The following GMDS variants were observed in gnomAD, a reference collection of about 807,000 sequenced individuals.
GMDS encodes GDP-mannose 4,6 dehydratase.
GMDS carries 20 observed loss-of-function variants against 49.9 expected under a neutral mutation model. The ratio of observed to expected loss-of-function variants is 0.40; its 90% CI spans 0.28 to 0.58. The LOEUF (loss-of-function observed/expected upper bound fraction) is 0.58. GMDS is among the 20% of genes least tolerant of loss of function. The pLI is 0.42. For synonymous variants in GMDS, 177 were observed against 178.6 expected, an observed-to-expected ratio of 0.99 and a Z score of 0.07; for missense variants, 362 against 481.4, an observed-to-expected ratio of 0.75 and a Z score of 2.32.
chr6:2,174,788 C>T (rs532610153), intron 1 of GMDS, among the ~76,000 whole-genome samples: 2 of 152,124 alleles, frequency 1.3e-5, no homozygotes, highest in Non-Finnish European at 2.9e-5. Flanking sequence ...AGGCTGATCT[C>T]GAACTCCTGA....
At chr6:1,931,226 T>C (rs1762269732) in intron 6 of GMDS, among the ~76,000 whole-genome samples, 1 of 152,226 alleles carries the variant, frequency 6.6e-6, no homozygotes, top group Non-Finnish European at 1.5e-5. Context: ...TTTAACTATG[T>C]TCTTTTGCAG....
chr6:1,944,936 C>G (rs1763005528), intron 6 of GMDS, among the ~76,000 whole-genome samples: 1 of 152,062 alleles, frequency 6.6e-6, no homozygotes, highest in Non-Finnish European at 1.5e-5. Flanking sequence ...ATAGGCAATA[C>G]CCTGAAAACA....
chr6:1,922,806 TC>T (rs1474372155), intron 7 of GMDS, among the ~76,000 whole-genome samples: 1 of 152,160 alleles, frequency 6.6e-6, no homozygotes, highest in Non-Finnish European at 1.5e-5. Flanking sequence ...CTAGCTCCCG[TC>T]TCTGCTGAGA....
intron 1 of GMDS, among the ~76,000 whole-genome samples, chr6:2,222,896 C>T (rs1019528489): frequency 6.6e-6 from 1 of 152,158 alleles, no homozygotes; most frequent in Non-Finnish European, 1.5e-5. Context: ...TAAATCAGTA[C>T]ACTGAGTAAT....
At chr6:1,760,899 T>C (rs1039306934) in intron 7 of GMDS, among the ~76,000 whole-genome samples, 3 of 152,222 alleles carry the variant, frequency 2.0e-5, no homozygotes, top group Admixed American at 6.5e-5. Context: ...CACCCGGGAC[T>C]GGGATGGTCT....
chr6:2,069,829 A>G (rs1183251698), intron 4 of GMDS, among the ~76,000 whole-genome samples: 2 of 152,098 alleles, frequency 1.3e-5, no homozygotes, highest in African/African-American at 2.4e-5. Flanking sequence ...GGGACTGTAA[A>G]CTAGTTCAAC....
chr6:1,900,600 T>A (rs113947152), intron 7 of GMDS, among the ~76,000 whole-genome samples: 4,940 of 152,300 alleles, frequency 0.032, 111 homozygotes, highest in Middle Eastern at 0.1. Context: ...CTTGATGTAT[T>A]TTCAGAAACT....
intron 4 of GMDS, among the ~76,000 whole-genome samples, chr6:1,977,356 C>A (rs1391707677): frequency 6.6e-6 from 1 of 152,184 alleles, no homozygotes; most frequent in Admixed American, 6.5e-5. Flanking sequence ...ATACCATACC[C>A]TGACTCTTCT....
chr6:2,097,775 G>C (rs1355156980), intron 4 of GMDS, among the ~76,000 whole-genome samples: 3 of 152,128 alleles, frequency 2.0e-5, no homozygotes, highest in African/African-American at 7.2e-5. Context: ...TTTGACTGTA[G>C]AAAAGACTAG....
intron 7 of GMDS, among the ~76,000 whole-genome samples, chr6:1,843,109 CAAATAAAATAAAATA>C (rs10629924): frequency 7.7e-4 from 106 of 137,168 alleles, no homozygotes; most frequent in African/African-American, 2.8e-3. Context: ...GACCCTGCAT[CAAATAAAATAAAATA>C]AAATAAAATA....
chr6:1,901,261 C>T (rs1570534), intron 7 of GMDS, among the ~76,000 whole-genome samples: 88,021 of 152,042 alleles, frequency 0.58, 26,792 homozygotes, highest in Non-Finnish European at 0.67. Flanking sequence ...TCTCCACGAC[C>T]GTGGAACATA....
intron 7 of GMDS, among the ~76,000 whole-genome samples, chr6:1,748,637 T>C (rs1194270019): frequency 1.3e-5 from 2 of 152,210 alleles, no homozygotes; most frequent in African/African-American, 2.4e-5. Context: ...TATTTTAGGT[T>C]TGTGAACCAC....
At chr6:2,145,538 A>AAAATAAATAAAT (rs36139025) in intron 1 of GMDS, among the ~76,000 whole-genome samples, 23 of 148,466 alleles carry the variant, frequency 1.5e-4, no homozygotes, top group South Asian at 4.4e-4. Flanking sequence ...ACTCTGTCTC[A>AAAATAAATAAAT]AAATAAATAA....
intron 4 of GMDS, among the ~76,000 whole-genome samples, chr6:2,095,529 T>C (rs546498361): frequency 6.6e-6 from 1 of 152,296 alleles, no homozygotes; most frequent in Middle Eastern, 3.4e-3. Context: ...ATCTCAGTGG[T>C]GAGAAAGAGT....
chr6:2,070,132 A>G (rs1771894767), intron 4 of GMDS, among the ~76,000 whole-genome samples: 1 of 151,642 alleles, frequency 6.6e-6, no homozygotes, highest in South Asian at 2.1e-4. Flanking sequence ...CATGGATGAA[A>G]TTGGAAATCA....
At chr6:1,808,395 G>T (rs1770270357) in intron 7 of GMDS, among the ~76,000 whole-genome samples, 1 of 152,154 alleles carries the variant, frequency 6.6e-6, no homozygotes, top group African/African-American at 2.4e-5. Flanking sequence ...ACATACTGAA[G>T]TCTTACTTGT....
At chr6:1,949,198 T>C (rs150977479) in intron 6 of GMDS, 1 of 181,246 alleles carries the variant, frequency 5.5e-6, no homozygotes, top group East Asian at 1.9e-4. Context: ...CCCTGTAAGT[T>C]TTCCCCATCA....
chr6:2,040,164 G>A (rs1561998025), intron 4 of GMDS, among the ~76,000 whole-genome samples: 1 of 152,316 alleles, frequency 6.6e-6, no homozygotes, highest in East Asian at 1.9e-4. Context: ...CCAAGTGAGA[G>A]AGCACACCAG....
At chr6:1,937,564 T>C (rs1561905646) in intron 6 of GMDS, among the ~76,000 whole-genome samples, 2 of 152,190 alleles carry the variant, frequency 1.3e-5, no homozygotes, top group Non-Finnish European at 1.5e-5. Context: ...AGGAGAACCC[T>C]GATGCTGTCT....
Sources: allele counts gnomAD v4.1 joint callset (sites outside exome capture counted in the v4.1 genomes callset), GRCh38; gene constraint gnomAD v4.1.1; transcripts MANE v1.5; gene names NCBI Gene and HGNC (gene_info 2026-07-23, HGNC 2026-07-21).